FAAH2: variants seen among roughly 807,000 people sequenced by gnomAD.
The protein encoded by FAAH2 is fatty-acid amide hydrolase 2.
In FAAH2, 60 loss-of-function variants were observed where a neutral mutation model predicts 36.9. The ratio of observed to expected loss-of-function variants is 1.63; its 90% CI spans 1.32 to 2.02. FAAH2 has a LOEUF of 2.02. Among genes scored for constraint, FAAH2 ranks in the 30% most tolerant of loss-of-function variants. The probability of loss-of-function intolerance (pLI) is 0.00; values close to 1 mark genes in which losing one functional copy is unlikely to be tolerated. For synonymous variants in FAAH2, 214 were observed against 143.8 expected, an observed-to-expected ratio of 1.49 and a Z score of -3.49; for missense variants, 689 against 397.5, an observed-to-expected ratio of 1.73 and a Z score of -6.23.
the FAAH2 span, among the ~76,000 whole-genome samples, chrX:57,223,634 G>A: frequency 9.0e-6 from 1 of 111,381 alleles, no homozygotes; most frequent in Non-Finnish European, 1.9e-5. Context: ...AGGTACCCAG[G>A]CAAAATTAAC....
At chrX:57,421,422 G>C (rs899925165) in intron 7 of FAAH2, among the ~76,000 whole-genome samples, 2 of 111,895 alleles carry the variant, frequency 1.8e-5, no homozygotes, top group Admixed American at 1.9e-4. Context: ...CCATAGACTG[G>C]GTTATTTAAG....
the FAAH2 span, among the ~76,000 whole-genome samples, chrX:57,138,776 C>T: frequency 2.7e-5 from 3 of 111,599 alleles, no homozygotes; most frequent in South Asian, 1.1e-3. Context: ...AAGATGATAT[C>T]TCATTGCTAT....
At chrX:57,427,845 A>T (rs925879540) in intron 7 of FAAH2, among the ~76,000 whole-genome samples, 1 of 38,268 alleles carries the variant, frequency 2.6e-5, no homozygotes, top group African/African-American at 4.0e-5. Flanking sequence ...AACTGAAACA[A>T]GACAAAAATG....
At chrX:57,463,627 T>G (rs1361273668) in intron 10 of FAAH2, among the ~76,000 whole-genome samples, 2 of 111,412 alleles carry the variant, frequency 1.8e-5, no homozygotes, top group East Asian at 5.6e-4. Flanking sequence ...AAAAAGACAT[T>G]TATCTGGCCA....
the FAAH2 span, among the ~76,000 whole-genome samples, chrX:57,258,978 C>A: frequency 1.7e-4 from 19 of 110,220 alleles, no homozygotes; most frequent in Non-Finnish European, 3.0e-4. Flanking sequence ...CTCAGCCTCC[C>A]AAAGTGCTGG....
intron 7 of FAAH2, among the ~76,000 whole-genome samples, chrX:57,403,987 G>A (rs765284746): frequency 8.9e-5 from 10 of 112,745 alleles, no homozygotes; most frequent in Non-Finnish European, 1.7e-4. Flanking sequence ...TTCTGAACTG[G>A]TGAGGTGTGC....
the FAAH2 span, among the ~76,000 whole-genome samples, chrX:57,197,303 G>A: frequency 4.5e-5 from 5 of 110,240 alleles, no homozygotes; most frequent in Non-Finnish European, 9.5e-5. Flanking sequence ...TTTTAAATTT[G>A]GTTTTCACCT....
At chrX:57,300,093 T>C (rs1422435760) in intron 2 of FAAH2, among the ~76,000 whole-genome samples, 4 of 111,496 alleles carry the variant, frequency 3.6e-5, no homozygotes, top group African/African-American at 9.8e-5. Flanking sequence ...CTTCACAGAA[T>C]TGGAAAAAAC....
At chrX:57,415,206 G>A (rs2116366) in intron 7 of FAAH2, among the ~76,000 whole-genome samples, 58,136 of 108,250 alleles carry the variant, frequency 0.54, 13,800 homozygotes, top group Non-Finnish European at 0.73. Context: ...ATTTTTCGAC[G>A]AGTTTTCATT....
rs983069064 is a variant in FAAH2 at position 57,404,372 on chromosome X, C to T, written c.996+23343C>T. 7.1e-5 allele frequency among the ~76,000 whole-genome samples: 8 copies of T among 112,137 alleles called. No individual in the cohort carries two copies. The South Asian group carries it at 1.1e-3, about 16-fold the overall frequency. On this transcript the variant is annotated intron_variant, in intron 7 of 10. Coordinates refer to ENST00000374900, the MANE Select transcript of FAAH2 (RefSeq NM_174912.4). ...ATTTTGGAAACAGTGGAAGGACATT[C>T]GCTCATTGCCCCCATTTGCCACTAT...
chrX:57,148,422 T>C, the FAAH2 span, among the ~76,000 whole-genome samples: 5 of 111,601 alleles, frequency 4.5e-5, no homozygotes, highest in African/African-American at 1.6e-4. Context: ...TTTGTTTGTA[T>C]CCTCTTTTAT....
At chrX:57,143,118 C>T in the FAAH2 span, among the ~76,000 whole-genome samples, 49,215 of 110,138 alleles carry the variant, frequency 0.45, 10,915 homozygotes, top group African/African-American at 0.86. Flanking sequence ...AATATTATTA[C>T]GGATAGGTAA....
At chrX:57,264,838 G>T in the FAAH2 span, among the ~76,000 whole-genome samples, 1 of 112,501 alleles carries the variant, frequency 8.9e-6, no homozygotes, top group African/African-American at 3.2e-5. Flanking sequence ...GAGTGGCCAA[G>T]ATGGCCATCT....
chrX:57,364,443 CT>C (rs1225398163), intron 5 of FAAH2, among the ~76,000 whole-genome samples: 286 of 73,304 alleles, frequency 3.9e-3, no homozygotes, highest in African/African-American at 9.7e-3. Flanking sequence ...GGATCTTCTC[CT>C]TTTTTTTTTT....
chrX:57,145,283 G>T, the FAAH2 span, among the ~76,000 whole-genome samples: 13 of 110,112 alleles, frequency 1.2e-4, no homozygotes, highest in East Asian at 3.4e-3. Context: ...TTACATTGTG[G>T]TTTTGATTAA....
chrX:57,416,551 T>G (rs1218481530), intron 7 of FAAH2, among the ~76,000 whole-genome samples: 1 of 112,245 alleles, frequency 8.9e-6, no homozygotes, highest in Non-Finnish European at 1.9e-5. Flanking sequence ...ATGCTGAATA[T>G]TGGCCCCCAC....
At chrX:57,393,100 G>A (rs1413077053) in intron 7 of FAAH2, 19 of 950,340 alleles carry the variant, frequency 2.0e-5, no homozygotes, top group South Asian at 1.4e-4. Context: ...TGCACTTCAC[G>A]GCATCAAAAG....
the FAAH2 span, among the ~76,000 whole-genome samples, chrX:57,280,128 T>C: frequency 8.9e-6 from 1 of 112,154 alleles, no homozygotes; most frequent in Non-Finnish European, 1.9e-5. Flanking sequence ...ATATCTCATA[T>C]TCATGATTGG....
intron 10 of FAAH2, among the ~76,000 whole-genome samples, chrX:57,462,551 T>TA (rs1005463910): frequency 8.9e-6 from 1 of 111,861 alleles, no homozygotes; most frequent in Non-Finnish European, 1.9e-5. Context: ...GAACCAGTGA[T>TA]AAAAAACACA....
Sources: allele counts gnomAD v4.1 joint callset (sites outside exome capture counted in the v4.1 genomes callset), GRCh38; gene constraint gnomAD v4.1.1; transcripts MANE v1.5; gene names NCBI Gene and HGNC (gene_info 2026-07-23, HGNC 2026-07-21).